The following ABLIM2 variants were observed in gnomAD, a reference collection of about 807,000 sequenced individuals.
ABLIM2 encodes the protein actin binding LIM protein family member 2.
Under a neutral mutation model 97.7 loss-of-function variants are expected in ABLIM2, and 53 were observed. The observed-to-expected ratio is 0.54, with a 90% CI of 0.44 to 0.68. The LOEUF (loss-of-function observed/expected upper bound fraction) is 0.68. Ranked by LOEUF, ABLIM2 falls within the 30% of genes least tolerant of loss-of-function variation. The pLI is 0.00. For synonymous variants in ABLIM2, 361 were observed against 345.8 expected (o/e 1.04, Z -0.49); for missense variants, 835 against 867.2 (o/e 0.96, Z 0.47).
chr4:8,091,989 A>G (rs1381435038), intron 3 of ABLIM2, among the ~76,000 whole-genome samples: 1 of 137,272 alleles, frequency 7.3e-6, no homozygotes, highest in Non-Finnish European at 1.5e-5. Flanking sequence ...ATATTATAAT[A>G]TATAATATAA....
chr4:8,002,928 C>T lies in ABLIM2; in HGVS notation c.1618+5131G>A, dbSNP rs1312652343. Among the ~76,000 whole-genome samples the T allele has an allele frequency of 3.9e-5, 6 of 152,222 alleles. No homozygotes were observed. The highest frequency in any genetic ancestry group is 8.8e-5 in the Non-Finnish European group (6 of 68,038). On this transcript the variant is annotated intron_variant, in intron 16 of 20. Transcript: ENST00000447017. This position sits in a 1 kb window ranked among gnomAD's most constrained non-coding sequence, Gnocchi z 6.1. Reference sequence around the variant, plus strand: ...TGACTACTTACTGTATTTGAAAGTGCACCCTTCCCCCAGCCCTCTCTAGCC... The same window carrying T: ...TGACTACTTACTGTATTTGAAAGTGTACCCTTCCCCCAGCCCTCTCTAGCC...
chr4:8,094,988 T>C (rs1410152553), intron 3 of ABLIM2, among the ~76,000 whole-genome samples: 8 of 121,300 alleles, frequency 6.6e-5, no homozygotes, highest in African/African-American at 1.9e-4. Flanking sequence ...TTCTTTCTCT[T>C]TCTTTTCCTT....
intron 1 of ABLIM2, among the ~76,000 whole-genome samples, chr4:8,108,866 C>G (rs977065800): frequency 6.6e-6 from 1 of 152,244 alleles, no homozygotes; most frequent in African/African-American, 2.4e-5. Context: ...AACGCCAGCT[C>G]CCCCTGTCTT....
rs1440468024 is a variant in ABLIM2, at chr4:8,085,484, G to A, written c.454+2685C>T. ...CCCCGTCCACTCACACGGGTCTGGG[G>A]GTGCCCACGCTGCAGTCCCGTCCAC... is the stretch of plus-strand genomic sequence containing the variant. On this transcript the variant is annotated intron_variant, in intron 4 of 20. Transcript: ENST00000447017. This position sits in a 1 kb window ranked among gnomAD's most constrained non-coding sequence, Gnocchi z 6.1. Among the ~76,000 whole-genome samples, 1 of 151,562 alleles carries A rather than the reference G, an allele frequency of 6.6e-6. No homozygotes were observed. The highest frequency in any genetic ancestry group is 1.5e-5 in the Non-Finnish European group (1 of 67,884).
rs571597803 is a variant in ABLIM2 at position 8,083,292 on chromosome 4, C to A, written c.455-2490G>T. 6.6e-6 allele frequency among the ~76,000 whole-genome samples: 1 copy of A among 152,310 alleles called. No homozygotes were observed. Among genetic ancestry groups the A allele is most frequent in the African/African-American group, 2.4e-5 (1 of 41,564 alleles). Reference sequence around the variant, plus strand: ...GGGGAAGTCACTTCACCTCTCTGTGCCCCTGGAATGAGGGCACGTGTGATC... The same window carrying A: ...GGGGAAGTCACTTCACCTCTCTGTGACCCTGGAATGAGGGCACGTGTGATC... On this transcript the variant is annotated intron_variant, in intron 4 of 20. Transcript: ENST00000447017. The surrounding 1 kb of genome is among the most constrained non-coding windows in gnomAD (Gnocchi z 4.6).
chr4:8,035,516 C>A (rs1784016657), intron 10 of ABLIM2, among the ~76,000 whole-genome samples: 1 of 152,220 alleles, frequency 6.6e-6, no homozygotes, highest in African/African-American at 2.4e-5. Context: ...CCTGGCAACG[C>A]CTCCTCCTAC....
chr4:8,096,531 C>T (rs1215481626), intron 3 of ABLIM2, among the ~76,000 whole-genome samples: 1 of 152,232 alleles, frequency 6.6e-6, no homozygotes, highest in Non-Finnish European at 1.5e-5. Context: ...ACGAAGGTTC[C>T]ATTTCTGTCT....
chr4:8,010,931 G>A (rs900427070), intron 14 of ABLIM2, among the ~76,000 whole-genome samples: 10 of 152,240 alleles, frequency 6.6e-5, no homozygotes, highest in African/African-American at 2.2e-4. Flanking sequence ...GGAGCTCTAA[G>A]AGCACAACCA....
rs989008108 is a variant in ABLIM2 at position 7,970,280 on chromosome 4, C to T, written c.1825-3177G>A. On this transcript the variant is annotated intron_variant, in intron 20 of 20. Transcript: ENST00000447017. This position sits in a 1 kb window ranked among gnomAD's most constrained non-coding sequence, Gnocchi z 5.3. The stretch of plus-strand genomic sequence containing the variant: ...GTGCTGGTGCCTGGGGCAGGCCTCC[C>T]TGTGGCCACATTCCTGCTTCCTGCT... 6.6e-6 allele frequency among the ~76,000 whole-genome samples: 1 copy of T among 152,100 alleles called. No individual in the cohort carries two copies. The highest frequency in any genetic ancestry group is 2.4e-5 in the African/African-American group (1 of 41,438).
At position 8,054,242 on chromosome 4, in the gene ABLIM2, G is replaced by A. The variant is rs778878691; in HGVS notation, c.768C>T (p.Ser256=). ...AEGEEMYLQG[S]SIWHPACRQA... ...GTCGACACGCCGGATGCCAGATGGA[G>A]GAACCTGTTGACAAATTCCCAAGAG... Residue 256 remains serine (S), a synonymous_variant, in exon 8 of 21, where the codon TCC becomes TCT. Coordinates refer to ENST00000447017, the MANE Select transcript of ABLIM2 (RefSeq NM_001130083.2). This position sits in a 1 kb window ranked among gnomAD's most constrained non-coding sequence, Gnocchi z 4.9. 6.2e-7 allele frequency: 1 copy of A among 1,614,032 alleles called. No individual in the cohort carries two copies. Among genetic ancestry groups the A allele is most frequent in the Non-Finnish European group, 8.5e-7 (1 of 1,179,898 alleles).
intron 11 of ABLIM2, 93 bp from the exon 12 acceptor site, chr4:8,027,950 T>C (rs1360449661): frequency 1.1e-6 from 1 of 913,568 alleles, no homozygotes; most frequent in Non-Finnish European, 1.6e-6. Flanking sequence ...ACGAACACTG[T>C]TGCTTCCTCT....
chr4:8,008,174 C>A lies in ABLIM2; in HGVS notation c.1503G>T (p.Lys501Asn). The change falls in exon 16 of 21, where the codon AAG becomes AAT. Residue 501 changes from lysine to asparagine, a missense_variant. Physicochemically the swap from Lys to Asn is moderately conservative, Grantham distance 94. Coordinates refer to ENST00000447017, the MANE Select transcript of ABLIM2 (RefSeq NM_001130083.2). ...AATTGGTCCTTGTGTCTGCATCCCC[C>A]TTGAGCATCAGCCAGCTGCTCTTCT... ...RKQKSSWLML[K>N]GDADTRTNSP... The A allele has an allele frequency of 1.2e-6, 2 of 1,613,844 alleles. No individual in the cohort carries two copies. The highest frequency in any genetic ancestry group is 1.1e-5 in the South Asian group (1 of 91,022).
chr4:8,111,383 T>C (rs1840205812), intron 1 of ABLIM2, among the ~76,000 whole-genome samples: 1 of 152,192 alleles, frequency 6.6e-6, no homozygotes, highest in Non-Finnish European at 1.5e-5. Flanking sequence ...CTCTGGGCAA[T>C]ACTGTAATGG....
chr4:8,018,899 G>A (rs1018968902), intron 14 of ABLIM2, among the ~76,000 whole-genome samples: 1 of 152,190 alleles, frequency 6.6e-6, no homozygotes, highest in Admixed American at 6.5e-5. Context: ...TGGAAAGGGC[G>A]GGGTGGAGGG....
chr4:8,042,587 C>T (rs1056719783), intron 9 of ABLIM2, among the ~76,000 whole-genome samples: 11 of 152,192 alleles, frequency 7.2e-5, no homozygotes, highest in African/African-American at 2.7e-4. Context: ...ACGCCTGTAA[C>T]CCCAGCACTG....
Position 8,128,017 on chromosome 4 carries a change from A to G in ABLIM2, c.11-21380T>C, listed in dbSNP as rs1443104597. 1.3e-5 allele frequency among the ~76,000 whole-genome samples: 2 copies of G among 152,182 alleles called. No individual in the cohort carries two copies. Among genetic ancestry groups the G allele is most frequent in the Non-Finnish European group, 2.9e-5 (2 of 68,026 alleles). On this transcript the variant is annotated intron_variant, in intron 1 of 20. Coordinates refer to ENST00000447017, the MANE Select transcript of ABLIM2 (RefSeq NM_001130083.2). The surrounding 1 kb of genome is among the most constrained non-coding windows in gnomAD (Gnocchi z 4.9). ...AAACAACAGATACGGATTCTCTCGCAGTTCTGGGGGCCAGAAGTCTGACAT... is the reference window on the plus strand; with the variant it reads ...AAACAACAGATACGGATTCTCTCGCGGTTCTGGGGGCCAGAAGTCTGACAT...
In ABLIM2 at chr4:8,019,704, C is replaced by G; in HGVS notation, c.1370-33G>C. The G allele has an allele frequency of 6.3e-7, 1 of 1,588,586 alleles. No homozygotes were observed. Among genetic ancestry groups the G allele is most frequent in the Middle Eastern group, 1.7e-4 (1 of 6,026 alleles). On this transcript the variant is annotated intron_variant, in intron 13 of 20. Transcript: ENST00000447017. This position sits in a 1 kb window ranked among gnomAD's most constrained non-coding sequence, Gnocchi z 4.3. ...AGAAGAAAGAAAAAAAAGGAGAGAA[C>G]AGGAGGGTAAGCAGCAAGTTGTGAT...
Position 8,072,545 on chromosome 4 carries a change from A to C in ABLIM2, c.675+5083T>G, listed in dbSNP as rs887264669. 6.6e-6 allele frequency among the ~76,000 whole-genome samples: 1 copy of C among 152,224 alleles called. No homozygotes were observed. Among genetic ancestry groups the C allele is most frequent in the Non-Finnish European group, 1.5e-5 (1 of 68,034 alleles). ...CCCAAGATACACCCCACTTTAGGCC[A>C]CCAGATGTTCCAACGTGGCTATGCT... is the stretch of plus-strand genomic sequence containing the variant. On this transcript the variant is annotated intron_variant, in intron 6 of 20. Transcript: ENST00000447017. The surrounding 1 kb of genome is among the most constrained non-coding windows in gnomAD (Gnocchi z 5.8).
Position 8,148,209 on chromosome 4 carries a change from T to C in ABLIM2, c.10+10471A>G, listed in dbSNP as rs1310936189. On this transcript the variant is annotated intron_variant, in intron 1 of 20. Transcript: ENST00000447017. The surrounding 1 kb of genome is among the most constrained non-coding windows in gnomAD (Gnocchi z 6.7). The stretch of plus-strand genomic sequence containing the variant: ...GACGTGGCGGCGGTGCAGCAGAAGC[T>C]CTCCTGTGGGGGCCCTGGGCCAGGC... Among the ~76,000 whole-genome samples the C allele has an allele frequency of 2.0e-5, 3 of 152,062 alleles. No individual in the cohort carries two copies. The highest frequency in any genetic ancestry group is 2.0e-4 in the Admixed American group (3 of 15,262).
Sources: allele counts gnomAD v4.1 joint callset (sites outside exome capture counted in the v4.1 genomes callset), GRCh38; gene constraint gnomAD v4.1.1; non-coding constraint Gnocchi (gnomAD v3.1); transcripts MANE v1.5; gene names NCBI Gene and HGNC (gene_info 2026-07-23, HGNC 2026-07-21).